The following ARHGAP22 variants were observed in gnomAD, a reference collection of about 807,000 sequenced individuals.
ARHGAP22 encodes the protein Rho GTPase activating protein 22.
Under a neutral mutation model 59.1 loss-of-function variants are expected in ARHGAP22, and 48 were observed. The observed-to-expected ratio is 0.81, with a 90% CI of 0.64 to 1.03. ARHGAP22 has a LOEUF of 1.03. Among genes scored for constraint, ARHGAP22 ranks in the 50% least tolerant of loss-of-function variants. The pLI, the probability that ARHGAP22 is intolerant of heterozygous loss-of-function variation, is 0.00. For synonymous variants in ARHGAP22, 445 were observed against 416.4 expected, an observed-to-expected ratio of 1.07 and a Z score of -0.84; for missense variants, 1,015 against 958.7, an observed-to-expected ratio of 1.06 and a Z score of -0.78.
chr10:48,498,885 A>G (rs2051219144), intron 3 of ARHGAP22, among the ~76,000 whole-genome samples: 1 of 152,084 alleles, frequency 6.6e-6, no homozygotes, highest in Non-Finnish European at 1.5e-5. Flanking sequence ...AAGCAGTTCT[A>G]TTTTACAGGC....
chr10:48,473,891 C>T (rs531897800), intron 4 of ARHGAP22, among the ~76,000 whole-genome samples: 19 of 152,352 alleles, frequency 1.2e-4, no homozygotes, highest in Non-Finnish European at 2.2e-4. Context: ...CAAGCACCCA[C>T]CAGATGCCGA....
intron 2 of ARHGAP22, among the ~76,000 whole-genome samples, chr10:48,573,150 C>T (rs1348105950): frequency 1.3e-5 from 2 of 152,200 alleles, no homozygotes; most frequent in Non-Finnish European, 1.5e-5. Flanking sequence ...AGCCATGTCG[C>T]CTGCCCCTAG....
intron 3 of ARHGAP22, among the ~76,000 whole-genome samples, chr10:48,497,657 G>C (rs1395923709): frequency 6.6e-6 from 1 of 152,136 alleles, no homozygotes; most frequent in East Asian, 1.9e-4. Flanking sequence ...CACTACCGGG[G>C]ACACAGGAAC....
intron 6 of ARHGAP22, among the ~76,000 whole-genome samples, 166 bp downstream of exon 6, chr10:48,454,836 C>A (rs12356940): frequency 2.0e-5 from 3 of 151,820 alleles, no homozygotes; most frequent in African/African-American, 7.2e-5. Flanking sequence ...GCCCCTCCCC[C>A]ACCCAAGCAG....
At position 48,448,419 on chromosome 10, in the gene ARHGAP22, T is replaced by C. The variant is rs76195915; in HGVS notation, c.1869-1800A>G. Among the ~76,000 whole-genome samples, 760 of 152,318 alleles carry C rather than the reference T, an allele frequency of 5.0e-3. 6 individuals carry two copies. The highest frequency in any genetic ancestry group is 0.017 in the African/African-American group (699 of 41,586). On this transcript the variant is annotated intron_variant, in intron 9 of 9. Coordinates refer to ENST00000249601, the MANE Select transcript of ARHGAP22 (RefSeq NM_021226.4). Reference sequence around the variant, plus strand: ...TGTCTCCCTGCAACCCAAATAAGAATGGGGACAGAGATTTTGATCAGTTTT... The same window carrying C: ...TGTCTCCCTGCAACCCAAATAAGAACGGGGACAGAGATTTTGATCAGTTTT...
At chr10:48,476,488 T>C (rs951503830) in intron 4 of ARHGAP22, among the ~76,000 whole-genome samples, 1 of 152,210 alleles carries the variant, frequency 6.6e-6, no homozygotes, top group Non-Finnish European at 1.5e-5. Context: ...TCCCAGGGGA[T>C]GCAAGCTAAT....
chr10:48,449,135 T>G (rs61838708), intron 9 of ARHGAP22, among the ~76,000 whole-genome samples: 9,893 of 152,294 alleles, frequency 0.065, 500 homozygotes, highest in African/African-American at 0.14. Context: ...GCCTTCTGTA[T>G]GGTAAGAGTT....
At chr10:48,453,475 A>G (rs1227205667) in intron 7 of ARHGAP22, 50 bp from the exon 8 acceptor site, 6 of 1,609,180 alleles carry the variant, frequency 3.7e-6, no homozygotes, top group Middle Eastern at 1.7e-4. Flanking sequence ...TGTGATGCCC[A>G]GTCTCCTGTG....
the ARHGAP22 span, chr10:48,434,900 T>TG: frequency 6.2e-7 from 1 of 1,613,608 alleles, no homozygotes; most frequent in African/African-American, 1.3e-5. Flanking sequence ...CAGTGATCAA[T>TG]GGCTCTCAGC....
intron 9 of ARHGAP22, among the ~76,000 whole-genome samples, chr10:48,447,990 C>A (rs2045530922): frequency 6.6e-6 from 1 of 152,024 alleles, no homozygotes; most frequent in South Asian, 2.1e-4. Flanking sequence ...GGCCTAGACC[C>A]CCACACCTCC....
At chr10:48,643,482 T>A (rs2062145607) in intron 1 of ARHGAP22, among the ~76,000 whole-genome samples, 1 of 151,948 alleles carries the variant, frequency 6.6e-6, no homozygotes, top group Non-Finnish European at 1.5e-5. Flanking sequence ...AAACCATCAT[T>A]CTCAGCAAAC....
chr10:48,643,861 T>C (rs1297891242), intron 1 of ARHGAP22, among the ~76,000 whole-genome samples: 1 of 151,872 alleles, frequency 6.6e-6, no homozygotes, highest in Non-Finnish European at 1.5e-5. Flanking sequence ...AAAAGAAACA[T>C]TCTGGGCCAG....
intron 3 of ARHGAP22, among the ~76,000 whole-genome samples, chr10:48,513,346 G>C (rs2052979605): frequency 6.6e-6 from 1 of 152,228 alleles, no homozygotes; most frequent in Non-Finnish European, 1.5e-5. Flanking sequence ...TGCCATTGTG[G>C]AGGAAAGACG....
chr10:48,570,630 G>C (rs926068259), intron 2 of ARHGAP22, among the ~76,000 whole-genome samples: 2 of 152,176 alleles, frequency 1.3e-5, no homozygotes, highest in Non-Finnish European at 2.9e-5. Flanking sequence ...TCAGTTGCTT[G>C]TTCTTTTGTG....
At chr10:48,630,317 C>G (rs943873086) in intron 1 of ARHGAP22, among the ~76,000 whole-genome samples, 1 of 152,172 alleles carries the variant, frequency 6.6e-6, no homozygotes, top group Non-Finnish European at 1.5e-5. Context: ...TTCTCGATCT[C>G]TTGACTTGGT....
intron 1 of ARHGAP22, among the ~76,000 whole-genome samples, chr10:48,641,711 T>G (rs1323056892): frequency 1.3e-5 from 2 of 152,074 alleles, no homozygotes; most frequent in Non-Finnish European, 2.9e-5. Context: ...CTCTCACCAC[T>G]CCTATTCAAC....
chr10:48,472,603 C>T (rs1003814954), intron 4 of ARHGAP22, among the ~76,000 whole-genome samples: 1 of 152,118 alleles, frequency 6.6e-6, no homozygotes, highest in African/African-American at 2.4e-5. Context: ...GAAGCCTCTA[C>T]CTTCTGGCCA....
chr10:48,616,382 A>G (rs543829243), intron 1 of ARHGAP22, among the ~76,000 whole-genome samples: 2 of 152,290 alleles, frequency 1.3e-5, no homozygotes, highest in Admixed American at 6.5e-5. Context: ...CTACATATGC[A>G]TAGAGGAAGT....
chr10:48,650,817 G>A (rs2062529416), intron 1 of ARHGAP22, among the ~76,000 whole-genome samples: 1 of 152,192 alleles, frequency 6.6e-6, no homozygotes, highest in Admixed American at 6.5e-5. Flanking sequence ...TATTAGGCTT[G>A]AACAGTTAAA....
Sources: allele counts gnomAD v4.1 joint callset (sites outside exome capture counted in the v4.1 genomes callset), GRCh38; gene constraint gnomAD v4.1.1; transcripts MANE v1.5; gene names NCBI Gene and HGNC (gene_info 2026-07-23, HGNC 2026-07-21).